DPYSL3: variants seen among roughly 807,000 people sequenced by gnomAD.
The protein encoded by DPYSL3 is dihydropyrimidinase-related protein 3.
DPYSL3 carries 16 observed loss-of-function variants against 66.1 expected under a neutral mutation model. The observed-to-expected ratio is 0.24, with a 90% CI of 0.16 to 0.37. The LOEUF is 0.37. Ranked by LOEUF, DPYSL3 falls within the 10% of genes least tolerant of loss-of-function variation. The pLI is 1.00. For synonymous variants in DPYSL3, 338 were observed against 345.1 expected (o/e 0.98, Z 0.23); for missense variants, 738 against 916.2 (o/e 0.81, Z 2.51).
At chr5:147,470,689 AG>A (rs1177218031) in intron 1 of DPYSL3, among the ~76,000 whole-genome samples, 1 of 152,134 alleles carries the variant, frequency 6.6e-6, no homozygotes, top group African/African-American at 2.4e-5. Context: ...CAGTAACCCT[AG>A]GAACTAGGCG....
intron 1 of DPYSL3, among the ~76,000 whole-genome samples, chr5:147,497,141 A>T (rs904866337): frequency 1.3e-5 from 2 of 151,914 alleles, no homozygotes; most frequent in African/African-American, 4.8e-5. Context: ...TCAGCAAACT[A>T]TCACAAGGAC....
intron 2 of DPYSL3, among the ~76,000 whole-genome samples, chr5:147,420,765 G>A (rs942856148): frequency 1.3e-5 from 2 of 152,182 alleles, no homozygotes; most frequent in East Asian, 1.9e-4. Context: ...CACATCTGAT[G>A]GTTAAATTCC....
intron 1 of DPYSL3, among the ~76,000 whole-genome samples, chr5:147,475,338 G>A (rs939581919): frequency 2.0e-5 from 3 of 152,104 alleles, no homozygotes; most frequent in Admixed American, 6.5e-5. Context: ...TGAGTGAAGT[G>A]TTCAAGGGAT....
At position 147,405,675 on chromosome 5, in the gene DPYSL3, G is replaced by C; in HGVS notation, c.1088C>G (p.Pro363Arg). The change falls in exon 8 of 14, where the codon CCT becomes CGT. Residue 363 changes from proline to arginine, a missense_variant. Coordinates refer to ENST00000343218, the MANE Select transcript of DPYSL3 (RefSeq NM_001197294.2). ...GCTCATGACCTTTGTGACGTAGAGA[G>C]GGCAATTGGTTTGGCTGGCAATGGT... ...AITIASQTNC[P>R]LYVTKVMSKS... 6.2e-7 allele frequency: 1 copy of C among 1,614,112 alleles called. No individual in the cohort carries two copies. The highest frequency in any genetic ancestry group is 8.5e-7 in the Non-Finnish European group (1 of 1,179,990).
rs201708060 is a variant in DPYSL3, at chr5:147,456,878, A to T, written c.382-31915T>A. On this transcript the variant is annotated intron_variant, in intron 1 of 13. Coordinates refer to ENST00000343218, the MANE Select transcript of DPYSL3 (RefSeq NM_001197294.2). ...AGTGCTGGGATTACAGGCATGAACC[A>T]CCGCACCCAGCCAGTTCTATCTTTT... Among the ~76,000 whole-genome samples the T allele has an allele frequency of 1.8e-4, 28 of 152,084 alleles. 1 individual carries two copies. The East Asian group carries it at 2.3e-3, about 13-fold the overall frequency.
intron 1 of DPYSL3, among the ~76,000 whole-genome samples, chr5:147,430,875 T>C (rs1328599660): frequency 6.6e-6 from 1 of 152,146 alleles, no homozygotes; most frequent in Non-Finnish European, 1.5e-5. Context: ...TTAAGACACA[T>C]CTGTTCCACA....
chr5:147,442,724 T>TA (rs1752556929), intron 1 of DPYSL3, among the ~76,000 whole-genome samples: 1 of 152,202 alleles, frequency 6.6e-6, no homozygotes, highest in East Asian at 1.9e-4. Context: ...TATTAAAAAT[T>TA]AAATTATGGA....
chr5:147,437,802 T>TTTG (rs1752440798), intron 1 of DPYSL3, among the ~76,000 whole-genome samples: 2 of 152,334 alleles, frequency 1.3e-5, no homozygotes, highest in East Asian at 3.9e-4. Context: ...TTTGGAGTCC[T>TTTG]GACTGTAAAG....
intron 1 of DPYSL3, among the ~76,000 whole-genome samples, chr5:147,447,052 T>A (rs1232312977): frequency 6.6e-6 from 1 of 152,224 alleles, no homozygotes; most frequent in East Asian, 1.9e-4. Context: ...GCCAAATTAC[T>A]TAGTTTCTCT....
At chr5:147,496,272 G>A (rs1319418999) in intron 1 of DPYSL3, among the ~76,000 whole-genome samples, 1 of 152,176 alleles carries the variant, frequency 6.6e-6, no homozygotes, top group Non-Finnish European at 1.5e-5. Flanking sequence ...AGACTTACAT[G>A]TTAGACCTAA....
intron 1 of DPYSL3, among the ~76,000 whole-genome samples, chr5:147,487,500 T>C (rs1041461362): frequency 6.6e-6 from 1 of 152,164 alleles, no homozygotes; most frequent in African/African-American, 2.4e-5. Flanking sequence ...CAAACACACA[T>C]ACACCTGTGC....
intron 1 of DPYSL3, among the ~76,000 whole-genome samples, chr5:147,505,204 A>G (rs1026716973): frequency 2.0e-5 from 3 of 152,146 alleles, no homozygotes; most frequent in African/African-American, 7.2e-5. Flanking sequence ...ATTAGCATCT[A>G]GTGATAACTC....
chr5:147,462,579 C>G (rs1170576403), intron 1 of DPYSL3, among the ~76,000 whole-genome samples: 1 of 152,124 alleles, frequency 6.6e-6, no homozygotes, highest in Non-Finnish European at 1.5e-5. Flanking sequence ...CTAGGGAACT[C>G]CTGCAATGAA....
At chr5:147,432,358 T>C (rs937107110) in intron 1 of DPYSL3, among the ~76,000 whole-genome samples, 2 of 152,126 alleles carry the variant, frequency 1.3e-5, no homozygotes, top group South Asian at 2.1e-4. Context: ...GGCTGCTCTG[T>C]TGTCTGAACT....
chr5:147,393,865 C>G lies in DPYSL3; in HGVS notation c.*170G>C, dbSNP rs927729121. The stretch of plus-strand genomic sequence containing the variant: ...CATAAACAGAAAACAAAGCAATATT[C>G]GTAAAGCTAGGCAAGCGAGCGTAAC... On this transcript the variant is annotated 3_prime_UTR_variant, in exon 14 of 14. Coordinates refer to ENST00000343218, the MANE Select transcript of DPYSL3 (RefSeq NM_001197294.2). 1.5e-6 allele frequency: 1 copy of G among 685,066 alleles called. No individual in the cohort carries two copies. The highest frequency in any genetic ancestry group is 2.5e-6 in the Non-Finnish European group (1 of 404,668). 42.4% of individuals were successfully genotyped at this position (685,066 alleles called of 1,614,324 possible). A position where few individuals can be genotyped will look rare whatever the true frequency, so the allele number is the denominator to read the frequency against.
intron 13 of DPYSL3, among the ~76,000 whole-genome samples, chr5:147,394,694 G>A (rs1757918896): frequency 6.7e-6 from 1 of 149,760 alleles, no homozygotes; most frequent in Non-Finnish European, 1.5e-5. Flanking sequence ...AAAAAAAAAA[G>A]GCAAAAACTT....
chr5:147,412,113 C>T (rs1357356747), intron 6 of DPYSL3, among the ~76,000 whole-genome samples: 3 of 152,196 alleles, frequency 2.0e-5, no homozygotes, highest in Non-Finnish European at 4.4e-5. Flanking sequence ...ACTCTTTCCT[C>T]AAGTTTCTCA....
chr5:147,458,354 A>G (rs970123323), intron 1 of DPYSL3, among the ~76,000 whole-genome samples: 2 of 152,198 alleles, frequency 1.3e-5, no homozygotes, highest in African/African-American at 4.8e-5. Flanking sequence ...CAGTTTACAA[A>G]TACCATGGCA....
chr5:147,408,199 G>C (rs772589298), intron 7 of DPYSL3, among the ~76,000 whole-genome samples: 1 of 152,166 alleles, frequency 6.6e-6, no homozygotes, highest in Non-Finnish European at 1.5e-5. Context: ...GCCAGTAGGT[G>C]AAGCTGCTGA....
Sources: gnomAD v4.1 joint callset for allele counts (sites outside exome capture counted in the v4.1 genomes callset) on GRCh38, gnomAD v4.1.1 for gene constraint, MANE v1.5 for transcripts, NCBI Gene and HGNC (gene_info 2026-07-23, HGNC 2026-07-21) for gene names.